The following SBNO1 variants were observed in gnomAD, a reference collection of about 807,000 sequenced individuals.
SBNO1 encodes protein strawberry notch homolog 1.
SBNO1 carries 23 observed loss-of-function variants against 173.6 expected under a neutral mutation model. The observed-to-expected ratio is 0.13, with a 90% confidence interval of 0.10 to 0.19. The LOEUF (loss-of-function observed/expected upper bound fraction) is 0.19. Among genes scored for constraint, SBNO1 ranks in the 10% least tolerant of loss-of-function variants. The probability of loss-of-function intolerance (pLI) is 1.00; values close to 1 mark genes in which losing one functional copy is unlikely to be tolerated. For missense variants in SBNO1, 1,238 were observed against 1,671.2 expected (o/e 0.74, Z 4.52); for synonymous variants, 632 against 571.5 (o/e 1.11, Z -1.51).
At chr12:123,351,384 T>C (rs1485389729) in intron 1 of SBNO1, among the ~76,000 whole-genome samples, 1 of 152,174 alleles carries the variant, frequency 6.6e-6, no homozygotes, top group Non-Finnish European at 1.5e-5. Context: ...AAGTCTGTAA[T>C]CCCAGCACCA....
intron 7 of SBNO1, among the ~76,000 whole-genome samples, chr12:123,333,249 T>C (rs12316131): frequency 0.27 from 41,083 of 151,760 alleles, 6,730 homozygotes; most frequent in African/African-American, 0.45. Flanking sequence ...TTTACAGATA[T>C]GGAATATGAC....
intron 7 of SBNO1, among the ~76,000 whole-genome samples, chr12:123,332,490 C>A (rs181377657): frequency 1.6e-3 from 238 of 152,200 alleles, no homozygotes; most frequent in African/African-American, 5.4e-3. Context: ...CAGGGTTTCA[C>A]CATGTTGGCC....
chr12:123,333,017 G>C (rs1430548340), intron 7 of SBNO1, among the ~76,000 whole-genome samples: 1 of 152,054 alleles, frequency 6.6e-6, no homozygotes, highest in African/African-American at 2.4e-5. Context: ...CCAGCTACTC[G>C]GGAGGCTGAG....
chr12:123,361,899 G>C (rs544303542), intron 1 of SBNO1, among the ~76,000 whole-genome samples: 5 of 152,166 alleles, frequency 3.3e-5, no homozygotes, highest in South Asian at 4.1e-4. Flanking sequence ...CCAGCACTTT[G>C]GGAGGCCGAG....
intron 1 of SBNO1, chr12:123,364,129 T>A: frequency 4.1e-6 from 4 of 985,546 alleles, no homozygotes; most frequent in Non-Finnish European, 4.8e-6. Flanking sequence ...AGCCTGCACG[T>A]GTCCCCCGCG....
intron 30 of SBNO1, 93 bp from the exon 31 acceptor site, chr12:123,298,264 T>C: frequency 7.8e-7 from 1 of 1,283,504 alleles, no homozygotes. Flanking sequence ...AAATTTCTTT[T>C]CTTTTCTTTT....
At chr12:123,357,397 C>T (rs550874553) in intron 1 of SBNO1, among the ~76,000 whole-genome samples, 9 of 150,986 alleles carry the variant, frequency 6.0e-5, no homozygotes, top group Admixed American at 3.3e-4. Flanking sequence ...TGCAGTGAGC[C>T]GAGACTGCAC....
intron 28 of SBNO1, among the ~76,000 whole-genome samples, chr12:123,309,087 GAA>G (rs2048992883): frequency 2.3e-5 from 1 of 43,298 alleles, no homozygotes; most frequent in Admixed American, 4.0e-4. Context: ...GAAAAAAAAA[GAA>G]GAAAATGTAA....
chr12:123,320,986 C>G, intron 17 of SBNO1, 120 bp from the exon 18 acceptor site: 1 of 805,022 alleles, frequency 1.2e-6, no homozygotes, highest in Non-Finnish European at 1.9e-6. Flanking sequence ...GTAGCCCAGG[C>G]TGGAGTGCAA....
intron 5 of SBNO1, among the ~76,000 whole-genome samples, chr12:123,340,723 T>C (rs1436200533): frequency 6.6e-6 from 1 of 152,152 alleles, no homozygotes; most frequent in Non-Finnish European, 1.5e-5. Context: ...CACATTGTCT[T>C]TTTTTCTGCT....
At chr12:123,328,126 T>C in intron 10 of SBNO1, 99 bp from the exon 11 acceptor site, 1 of 940,606 alleles carries the variant, frequency 1.1e-6, no homozygotes, top group Non-Finnish European at 1.6e-6. Context: ...GGCCTTCTGA[T>C]TGCCTATTTC....
At chr12:123,351,970 G>A (rs1873932340) in intron 1 of SBNO1, among the ~76,000 whole-genome samples, 1 of 152,092 alleles carries the variant, frequency 6.6e-6, no homozygotes. Context: ...TATGGAGTTT[G>A]CCGGGGTGGG....
At chr12:123,335,850 T>C (rs11057276) in intron 6 of SBNO1, among the ~76,000 whole-genome samples, 80,473 of 152,052 alleles carry the variant, frequency 0.53, 25,430 homozygotes, top group East Asian at 0.71. Context: ...AAATTCATTG[T>C]AGGTGAGCAG....
chr12:123,299,377 G>T (rs569231641), intron 30 of SBNO1, among the ~76,000 whole-genome samples: 1 of 146,898 alleles, frequency 6.8e-6, no homozygotes, highest in East Asian at 2.1e-4. Flanking sequence ...CAAAAAAAAC[G>T]AAACAAAACA....
rs2048505852 is a variant in SBNO1 at position 123,291,156 on chromosome 12, G to GC, written c.*4751dup. Reference sequence around the variant, plus strand: ...CAGCAGCAGGCTACCTGTGTTCATTGCAAGTAAATTACTCATCATTTGTAG... The same window carrying GC: ...CAGCAGCAGGCTACCTGTGTTCATTGCCAAGTAAATTACTCATCATTTGTAG... On this transcript the variant is annotated 3_prime_UTR_variant, in exon 32 of 32. Coordinates refer to ENST00000602398, the MANE Select transcript of SBNO1 (RefSeq NM_001167856.3). 1 of 152,132 alleles carries GC rather than the reference G, an allele frequency of 6.6e-6. No individual in the cohort carries two copies. The highest frequency in any genetic ancestry group is 1.5e-5 in the Non-Finnish European group (1 of 68,034). The allele number at this position is 152,132 out of a possible 1,614,324, so 9.4% of individuals were successfully genotyped here.
intron 1 of SBNO1, chr12:123,363,781 T>C: frequency 3.5e-6 from 3 of 851,742 alleles, no homozygotes; most frequent in Middle Eastern, 1.2e-3. Context: ...AGCTTCTCTG[T>C]GCGAGGATCA....
In SBNO1 at chr12:123,302,917, A is replaced by G; in HGVS notation, c.3769-17T>C. On this transcript the variant is annotated splice_polypyrimidine_tract_variant and intron_variant, in intron 29 of 31. Coordinates refer to ENST00000602398, the MANE Select transcript of SBNO1 (RefSeq NM_001167856.3). The stretch of plus-strand genomic sequence containing the variant: ...TGAGACGACCTGTAAAAATGAGAAG[A>G]ATTTCATTGAAAACAGTATTGCTTT... 1 of 1,580,676 alleles carries G rather than the reference A, an allele frequency of 6.3e-7. No individual in the cohort carries two copies.
At chr12:123,300,322 A>G (rs1381192238) in intron 30 of SBNO1, among the ~76,000 whole-genome samples, 2 of 152,072 alleles carry the variant, frequency 1.3e-5, no homozygotes, top group Non-Finnish European at 2.9e-5. Flanking sequence ...TGATCTCCCA[A>G]AGTGCTAGGA....
At chr12:123,320,937 C>T (rs1363279244) in intron 17 of SBNO1, 71 bp from the exon 18 acceptor site, 4 of 1,256,202 alleles carry the variant, frequency 3.2e-6, no homozygotes, top group East Asian at 4.9e-5. Flanking sequence ...AGGAAACAAC[C>T]TTTGAAATTT....
Sources: allele counts gnomAD v4.1 joint callset (sites outside exome capture counted in the v4.1 genomes callset), GRCh38; gene constraint gnomAD v4.1.1; transcripts MANE v1.5; gene names NCBI Gene and HGNC (gene_info 2026-07-23, HGNC 2026-07-21).